Variants in SV2C observed in about 807,000 individuals in gnomAD.
SV2C encodes solute carrier family 22 member B3.
A neutral mutation model predicts 79.7 loss-of-function variants in SV2C; 49 were observed. The ratio of observed to expected loss-of-function variants is 0.61; its 90% confidence interval spans 0.49 to 0.78. The LOEUF (loss-of-function observed/expected upper bound fraction) is 0.78. Ranked by LOEUF, SV2C falls within the 30% of genes least tolerant of loss-of-function variation. The pLI, the probability that SV2C is intolerant of heterozygous loss-of-function variation, is 0.00. For missense variants in SV2C, 833 were observed against 912.9 expected (o/e 0.91, Z 1.13); for synonymous variants, 334 against 333.2 (o/e 1.00, Z -0.03).
At chr5:76,012,727 T>C in the SV2C span, among the ~76,000 whole-genome samples, 22 of 152,346 alleles carry the variant, frequency 1.4e-4, 1 homozygote, top group South Asian at 4.4e-3. Flanking sequence ...TCGGGGTTTT[T>C]ACTGTTTTAG....
chr5:76,292,985 A>C (rs1473296846), intron 8 of SV2C, among the ~76,000 whole-genome samples: 1 of 152,188 alleles, frequency 6.6e-6, no homozygotes, highest in East Asian at 1.9e-4. Context: ...TCCCTAAATC[A>C]AACCAGGCAA....
chr5:75,879,170 T>C, the SV2C span, among the ~76,000 whole-genome samples: 153 of 152,300 alleles, frequency 1.0e-3, no homozygotes, highest in African/African-American at 3.6e-3. Context: ...CATTTCAACA[T>C]GAGATTTGGA....
At chr5:75,941,463 T>A in the SV2C span, among the ~76,000 whole-genome samples, 1 of 152,218 alleles carries the variant, frequency 6.6e-6, no homozygotes, top group Non-Finnish European at 1.5e-5. Flanking sequence ...ACCAGGTATT[T>A]GAAGGATGTA....
chr5:76,297,230 T>C (rs1349744202), intron 9 of SV2C, among the ~76,000 whole-genome samples: 1 of 152,204 alleles, frequency 6.6e-6, no homozygotes, highest in African/African-American at 2.4e-5. Flanking sequence ...ATTAACGAAA[T>C]TTTTTAAAAA....
At chr5:76,212,749 T>G (rs1744802563) in intron 4 of SV2C, among the ~76,000 whole-genome samples, 1 of 152,006 alleles carries the variant, frequency 6.6e-6, no homozygotes, top group Admixed American at 6.6e-5. Flanking sequence ...TTATTTTTAG[T>G]TTTTTTTCTC....
At chr5:76,187,391 G>A (rs1453314896) in intron 2 of SV2C, among the ~76,000 whole-genome samples, 1 of 152,114 alleles carries the variant, frequency 6.6e-6, no homozygotes, top group African/African-American at 2.4e-5. Flanking sequence ...TGCTTGACAT[G>A]GCATTATCTG....
intron 4 of SV2C, among the ~76,000 whole-genome samples, chr5:76,212,103 T>G (rs1744784524): frequency 6.6e-6 from 1 of 151,446 alleles, no homozygotes; most frequent in Non-Finnish European, 1.5e-5. Flanking sequence ...CAAGATTTTT[T>G]TTTTTTAATT....
At chr5:76,073,182 G>A in the SV2C span, among the ~76,000 whole-genome samples, 1 of 151,980 alleles carries the variant, frequency 6.6e-6, no homozygotes, top group Non-Finnish European at 1.5e-5. Context: ...TGTCTAGAAT[G>A]GTTTTTCCAA....
chr5:75,880,385 C>T, the SV2C span, among the ~76,000 whole-genome samples: 3 of 152,156 alleles, frequency 2.0e-5, no homozygotes, highest in Non-Finnish European at 2.9e-5. Context: ...CATTTCTTTG[C>T]TCCCACATCT....
the SV2C span, among the ~76,000 whole-genome samples, chr5:76,022,365 C>T: frequency 1.3e-5 from 2 of 152,216 alleles, no homozygotes; most frequent in Non-Finnish European, 2.9e-5. Flanking sequence ...TCCGTATTTT[C>T]TTTTCCCCAG....
At chr5:76,283,783 G>A (rs1445249643) in intron 4 of SV2C, among the ~76,000 whole-genome samples, 1 of 152,154 alleles carries the variant, frequency 6.6e-6, no homozygotes, top group Middle Eastern at 3.2e-3. Context: ...AACAAATTCA[G>A]CATTTAAGAA....
chr5:76,272,680 T>A (rs933186359), intron 4 of SV2C, among the ~76,000 whole-genome samples: 1 of 152,234 alleles, frequency 6.6e-6, no homozygotes, highest in Non-Finnish European at 1.5e-5. Flanking sequence ...GACCTTCTTG[T>A]GGCCTTATCT....
chr5:75,910,599 G>C, the SV2C span: 1 of 741,110 alleles, frequency 1.3e-6, no homozygotes, highest in Non-Finnish European at 2.4e-6. Context: ...ATTGCCAAGT[G>C]GGGTTGAAAA....
At chr5:76,216,093 G>A (rs1173277750) in intron 4 of SV2C, among the ~76,000 whole-genome samples, 1 of 152,174 alleles carries the variant, frequency 6.6e-6, no homozygotes, top group African/African-American at 2.4e-5. Flanking sequence ...AAGGGCTAGT[G>A]AGTTAAGACA....
intron 3 of SV2C, among the ~76,000 whole-genome samples, chr5:76,197,518 G>C (rs911124547): frequency 2.0e-5 from 3 of 152,072 alleles, no homozygotes; most frequent in Non-Finnish European, 4.4e-5. Flanking sequence ...AGGGCTGAGG[G>C]GGGAGTCATG....
At chr5:75,853,419 G>A in the SV2C span, among the ~76,000 whole-genome samples, 2 of 151,536 alleles carry the variant, frequency 1.3e-5, no homozygotes, top group Non-Finnish European at 2.9e-5. Flanking sequence ...AGCCGGGCGT[G>A]GTGGCGGGCG....
chr5:76,125,055 T>C (rs111868783), intron 1 of SV2C, among the ~76,000 whole-genome samples: 1,602 of 152,318 alleles, frequency 0.011, 17 homozygotes, highest in African/African-American at 0.035. Flanking sequence ...TTTGGACAAC[T>C]GCTGAGGTCT....
At chr5:76,020,656 C>A in the SV2C span, among the ~76,000 whole-genome samples, 1 of 152,148 alleles carries the variant, frequency 6.6e-6, no homozygotes, top group African/African-American at 2.4e-5. Flanking sequence ...GACTACGAAA[C>A]AAGCCCATTC....
the SV2C span, among the ~76,000 whole-genome samples, chr5:76,033,992 C>T: frequency 2.0e-5 from 3 of 152,122 alleles, no homozygotes; most frequent in African/African-American, 7.2e-5. Context: ...TCCTAGGTAT[C>T]TTATTTTCTT....
Sources: gnomAD v4.1 joint callset for allele counts (sites outside exome capture counted in the v4.1 genomes callset) on GRCh38, gnomAD v4.1.1 for gene constraint, MANE v1.5 for transcripts, NCBI Gene and HGNC (gene_info 2026-07-23, HGNC 2026-07-21) for gene names.